NUP85: variants seen among roughly 807,000 people sequenced by gnomAD.
The protein encoded by NUP85 is nuclear pore complex protein Nup85.
A neutral mutation model predicts 92.8 loss-of-function variants in NUP85; 23 were observed. The observed-to-expected ratio is 0.25, with a 90% CI of 0.18 to 0.35. The LOEUF is 0.35. NUP85 is among the 10% of genes least tolerant of loss of function. The probability of loss-of-function intolerance (pLI) is 1.00; values close to 1 mark genes in which losing one functional copy is unlikely to be tolerated. For missense variants in NUP85, 759 were observed against 822.8 expected (o/e 0.92, Z 0.95); for synonymous variants, 314 against 306.9 (o/e 1.02, Z -0.24).
rs2075276468 is a variant in NUP85, at chr17:75,212,082, G to A, written c.361+20G>A. 1 of 918,144 alleles carries A rather than the reference G, an allele frequency of 1.1e-6. No individual in the cohort carries two copies. Among genetic ancestry groups the A allele is most frequent in the Non-Finnish European group, 1.5e-6 (1 of 658,678 alleles). The allele number at this position is 918,144 out of a possible 1,614,324, so 56.9% of individuals were successfully genotyped here. A position where few individuals can be genotyped will look rare whatever the true frequency, so the allele number is the denominator to read the frequency against. On this transcript the variant is annotated intron_variant, in intron 4 of 18. Coordinates refer to ENST00000245544, the MANE Select transcript of NUP85 (RefSeq NM_024844.5). The stretch of plus-strand genomic sequence containing the variant: ...TTGCAAGTAAGGACTGTGTGCGCGT[G>A]CGCGCGTGTGTGTGTGTGTGTGTGT...
chr17:75,225,005 G>A lies in NUP85; in HGVS notation c.598-98G>A, dbSNP rs1598308287. 5 of 1,323,152 alleles carry A rather than the reference G, an allele frequency of 3.8e-6. No individual in the cohort carries two copies. The African/African-American group carries it at 7.4e-5, about 20-fold the overall frequency. The allele number at this position is 1,323,152 out of a possible 1,614,324, so 82.0% of individuals were successfully genotyped here. A position where few individuals can be genotyped will look rare whatever the true frequency, so the allele number is the denominator to read the frequency against. ...GCAGAAAGAAGCCTGTGTGTGAAGA[G>A]TTAAAAAGCCAAAGTGTGGGGTGAG... On this transcript the variant is annotated intron_variant, in intron 7 of 18. Transcript: ENST00000245544.
At chr17:75,215,475 G>T (rs764511339) in intron 5 of NUP85, among the ~76,000 whole-genome samples, 2 of 152,200 alleles carry the variant, frequency 1.3e-5, no homozygotes, top group Non-Finnish European at 2.9e-5. Context: ...CTCCCAAAGT[G>T]CTGGGATTAC....
intron 11 of NUP85, among the ~76,000 whole-genome samples, chr17:75,230,608 C>T (rs2076015282): frequency 1.3e-5 from 2 of 152,112 alleles, no homozygotes; most frequent in Non-Finnish European, 2.9e-5. Flanking sequence ...ATCCTCCCAC[C>T]TCGGCCTCCC....
intron 6 of NUP85, among the ~76,000 whole-genome samples, chr17:75,216,072 G>A (rs548461361): frequency 5.3e-5 from 8 of 152,288 alleles, no homozygotes; most frequent in African/African-American, 9.6e-5. Context: ...TATTAAACTA[G>A]TGTGTGAAAG....
At chr17:75,221,087 G>A (rs1219022544) in intron 7 of NUP85, among the ~76,000 whole-genome samples, 1 of 152,104 alleles carries the variant, frequency 6.6e-6, no homozygotes, top group East Asian at 1.9e-4. Flanking sequence ...ATTTCACCAT[G>A]TTAGCCAGGA....
rs752073816 is a variant in NUP85 at position 75,209,996 on chromosome 17, T to A, written c.290+11T>A. ...ATCCAGAAAATCTCAGTAAGTTGGT[T>A]GCTGTTTGGTGTTGAAGCCCACACT... On this transcript the variant is annotated intron_variant, in intron 3 of 18. Coordinates refer to ENST00000245544, the MANE Select transcript of NUP85 (RefSeq NM_024844.5). The A allele has an allele frequency of 1.4e-5, 23 of 1,589,764 alleles. No homozygotes were observed. Among genetic ancestry groups the A allele is most frequent in the Admixed American group, 2.0e-5 (1 of 50,964 alleles).
At chr17:75,224,181 G>T (rs1466985233) in intron 7 of NUP85, among the ~76,000 whole-genome samples, 1 of 152,004 alleles carries the variant, frequency 6.6e-6, no homozygotes. Context: ...AAGTAGCTGG[G>T]ACTACAGGCG....
rs573920984 is a variant in NUP85 at position 75,205,874 on chromosome 17, T to C, written c.33+80T>C. The C allele has an allele frequency of 2.0e-5, 30 of 1,511,946 alleles. No homozygotes were observed. The African/African-American group carries it at 3.6e-4, about 18-fold the overall frequency. 93.7% of individuals were successfully genotyped at this position (1,511,946 alleles called of 1,614,324 possible). On this transcript the variant is annotated intron_variant, in intron 1 of 18. Coordinates refer to ENST00000245544, the MANE Select transcript of NUP85 (RefSeq NM_024844.5). ...CTTAGTTACTTCAGGCTTGTCTGCTTCCCTAGTGGTCGCGAGGCGCTCGTC... is the reference window on the plus strand; with the variant it reads ...CTTAGTTACTTCAGGCTTGTCTGCTCCCCTAGTGGTCGCGAGGCGCTCGTC...
Position 75,205,691 on chromosome 17 carries a change from G to T in NUP85, c.-71G>T. The T allele has an allele frequency of 1.3e-6, 2 of 1,591,510 alleles. No individual in the cohort carries two copies. The highest frequency in any genetic ancestry group is 8.6e-7 in the Non-Finnish European group (1 of 1,159,810). On this transcript the variant is annotated 5_prime_UTR_variant, in exon 1 of 19. Coordinates refer to ENST00000245544, the MANE Select transcript of NUP85 (RefSeq NM_024844.5). ...CAGGCGGAGTCTTGTCTCGCAGCCA[G>T]CTCTGAGCGGGAGGCCTGAGCGGGA...
intron 11 of NUP85, chr17:75,226,856 TC>T: frequency 2.6e-6 from 1 of 381,936 alleles, no homozygotes; most frequent in South Asian, 2.0e-5. Flanking sequence ...GATGGCGTGT[TC>T]CAAGAGTCTC....
chr17:75,234,845 T>C lies in NUP85; in HGVS notation c.1767+57T>C, dbSNP rs757394827. On this transcript the variant is annotated intron_variant, in intron 17 of 18. Coordinates refer to ENST00000245544, the MANE Select transcript of NUP85 (RefSeq NM_024844.5). Reference sequence around the variant, plus strand: ...CTTGTCAGTCCCTGCTAGAGCTTAGTTGTATAGCTGTTGCCGATGTGCGTG... The same window carrying C: ...CTTGTCAGTCCCTGCTAGAGCTTAGCTGTATAGCTGTTGCCGATGTGCGTG... The C allele has an allele frequency of 6.3e-6, 10 of 1,597,268 alleles. No homozygotes were observed. In the Admixed American group the frequency reaches 1.0e-4, roughly 16 times the overall value.
intron 18 of NUP85, 53 bp downstream of exon 18, chr17:75,235,254 CTCTA>C: frequency 7.4e-7 from 1 of 1,352,230 alleles, no homozygotes; most frequent in Non-Finnish European, 1.0e-6. Flanking sequence ...AAAAGGCTCC[CTCTA>C]TCTCAGGCTT....
intron 1 of NUP85, among the ~76,000 whole-genome samples, chr17:75,206,933 T>A (rs2145257879): frequency 6.6e-6 from 1 of 152,192 alleles, no homozygotes; most frequent in South Asian, 2.1e-4. Flanking sequence ...GGTCTCAATC[T>A]CCTGACCTCG....
At position 75,205,800 on chromosome 17, in the gene NUP85, G is replaced by C; in HGVS notation, c.33+6G>C. Reference sequence around the variant, plus strand: ...ATGGCGAGCCAACAGTCACTGTAAGGGTACCCCGAACAGGCTTGCTCGTCC... The same window carrying C: ...ATGGCGAGCCAACAGTCACTGTAAGCGTACCCCGAACAGGCTTGCTCGTCC... On this transcript the variant is annotated splice_donor_region_variant and intron_variant, in intron 1 of 18. Coordinates refer to ENST00000245544, the MANE Select transcript of NUP85 (RefSeq NM_024844.5). 6.2e-7 allele frequency: 1 copy of C among 1,614,138 alleles called. No homozygotes were observed. The highest frequency in any genetic ancestry group is 8.5e-7 in the Non-Finnish European group (1 of 1,180,004).
intron 11 of NUP85, chr17:75,228,021 T>G: frequency 5.6e-6 from 1 of 178,994 alleles, no homozygotes; most frequent in Non-Finnish European, 1.1e-5. Flanking sequence ...TTAGTGAGAA[T>G]AACTTAAAAA....
At position 75,214,982 on chromosome 17, in the gene NUP85, T is replaced by C. The variant is rs139272131; in HGVS notation, c.406-772T>C. ...GTCAGGAGATCGAGACCTTCCTGGC[T>C]AACAAGGTGAAACCTCGTCTCTACT... On this transcript the variant is annotated intron_variant, in intron 5 of 18. Coordinates refer to ENST00000245544, the MANE Select transcript of NUP85 (RefSeq NM_024844.5). Among the ~76,000 whole-genome samples, 851 of 151,482 alleles carry C rather than the reference T, an allele frequency of 5.6e-3. 7 individuals are homozygous for C. The highest frequency in any genetic ancestry group is 0.019 in the African/African-American group (800 of 41,288).
Position 75,211,915 on chromosome 17 carries a change from T to G in NUP85, c.291-77T>G, listed in dbSNP as rs1555660294. The G allele has an allele frequency of 3.3e-5, 38 of 1,144,922 alleles. No homozygotes were observed. The South Asian group carries it at 4.5e-4, about 14-fold the overall frequency. 70.9% of individuals were successfully genotyped at this position (1,144,922 alleles called of 1,614,324 possible). On this transcript the variant is annotated intron_variant, in intron 3 of 18. Transcript: ENST00000245544. Reference sequence around the variant, plus strand: ...TCTTTCTTTCAGCAAATTTCTGCATTTATTTGAGTGTTTCCTTCCTTTGTG... The same window carrying G: ...TCTTTCTTTCAGCAAATTTCTGCATGTATTTGAGTGTTTCCTTCCTTTGTG...
intron 7 of NUP85, among the ~76,000 whole-genome samples, chr17:75,221,097 A>T (rs2075586196): frequency 6.6e-6 from 1 of 151,990 alleles, no homozygotes. Context: ...GTTAGCCAGG[A>T]TGGTCTCGAT....
intron 9 of NUP85, 64 bp downstream of exon 9, chr17:75,225,528 A>G: frequency 6.3e-7 from 1 of 1,589,936 alleles, no homozygotes; most frequent in South Asian, 1.1e-5. Context: ...CATCCAGTGC[A>G]GCAGTGGCAG....
Sources: allele counts gnomAD v4.1 joint callset (sites outside exome capture counted in the v4.1 genomes callset), GRCh38; gene constraint gnomAD v4.1.1; transcripts MANE v1.5; gene names NCBI Gene and HGNC (gene_info 2026-07-23, HGNC 2026-07-21).